The following DOK5 variants were observed in gnomAD, a reference collection of about 807,000 sequenced individuals.
DOK5 encodes the protein downstream of tyrosine kinase 5.
Under a neutral mutation model 43.3 loss-of-function variants are expected in DOK5, and 27 were observed. That is an observed-to-expected ratio of 0.62 (90% CI 0.46 to 0.86). DOK5 has a LOEUF of 0.86. DOK5 is among the 40% of genes least tolerant of loss of function. The pLI is 0.00. For missense variants in DOK5, 373 were observed against 392.9 expected, an observed-to-expected ratio of 0.95 and a Z score of 0.43; for synonymous variants, 146 against 140.1, an observed-to-expected ratio of 1.04 and a Z score of -0.30.
intron 1 of DOK5, among the ~76,000 whole-genome samples, chr20:54,509,352 G>T (rs1194528550): frequency 2.0e-5 from 3 of 151,926 alleles, no homozygotes; most frequent in African/African-American, 4.8e-5. Flanking sequence ...CACTGCACCT[G>T]GTTAATTTTA....
intron 1 of DOK5, among the ~76,000 whole-genome samples, chr20:54,504,763 T>C (rs2146681411): frequency 6.6e-6 from 1 of 152,312 alleles, no homozygotes; most frequent in East Asian, 1.9e-4. Flanking sequence ...TTTGAAGACC[T>C]GTCATGGGCA....
intron 1 of DOK5, among the ~76,000 whole-genome samples, chr20:54,492,686 TTGTGTGTGTGTGTGTG>T (rs34741362): frequency 3.3e-4 from 46 of 141,178 alleles, no homozygotes; most frequent in Non-Finnish European, 5.6e-4. Flanking sequence ...GAGTGTGGCT[TTGTGTGTGTGTGTGTG>T]TGTGTGTGTG....
chr20:54,641,960 T>C (rs1568825690), intron 6 of DOK5, among the ~76,000 whole-genome samples: 1 of 152,122 alleles, frequency 6.6e-6, no homozygotes, highest in African/African-American at 2.4e-5. Context: ...AATGGATTAT[T>C]TGATATTCAA....
intron 2 of DOK5, chr20:54,555,697 A>G (rs919154945): frequency 6.6e-6 from 1 of 152,248 alleles, no homozygotes; most frequent in African/African-American, 2.4e-5. Context: ...GTGAAAGCAC[A>G]TGGTTAACAC....
At chr20:54,625,576 C>A (rs1987108977) in intron 6 of DOK5, among the ~76,000 whole-genome samples, 1 of 152,136 alleles carries the variant, frequency 6.6e-6, no homozygotes, top group Non-Finnish European at 1.5e-5. Flanking sequence ...GTCCTATATC[C>A]TGGCTGGACA....
chr20:54,631,755 C>A (rs1409014264), intron 6 of DOK5, among the ~76,000 whole-genome samples: 2 of 152,116 alleles, frequency 1.3e-5, no homozygotes, highest in African/African-American at 4.8e-5. Flanking sequence ...GGGCGGATCA[C>A]AAGGTCAAGA....
rs1485973482 is a variant in DOK5, at chr20:54,572,585, AAATT to A, written c.175-15894_175-15891del. The stretch of plus-strand genomic sequence containing the variant: ...AATACCTAGCATATAATTAAGAAAA[AAATT>A]AATGTCAGCCACTGCCGCTATTATT... On this transcript the variant is annotated intron_variant, in intron 2 of 7. Coordinates refer to ENST00000262593, the MANE Select transcript of DOK5 (RefSeq NM_018431.5). 4.6e-5 allele frequency among the ~76,000 whole-genome samples: 7 copies of A among 152,300 alleles called. 1 individual carries two copies. Among genetic ancestry groups the A allele is most frequent in the Admixed American group, 4.6e-4 (7 of 15,306 alleles).
intron 2 of DOK5, among the ~76,000 whole-genome samples, chr20:54,580,969 C>A (rs77467653): frequency 6.6e-5 from 10 of 151,894 alleles, no homozygotes; most frequent in Non-Finnish European, 1.0e-4. Flanking sequence ...TGTCATAAAG[C>A]CTTTTCCCTC....
intron 1 of DOK5, among the ~76,000 whole-genome samples, chr20:54,552,827 T>C (rs939977255): frequency 6.6e-6 from 1 of 152,216 alleles, no homozygotes; most frequent in African/African-American, 2.4e-5. Context: ...AAGCAGTTAA[T>C]TTATGTTCAA....
intron 1 of DOK5, among the ~76,000 whole-genome samples, chr20:54,539,545 A>G (rs576298786): frequency 2.0e-5 from 3 of 152,286 alleles, no homozygotes; most frequent in African/African-American, 7.2e-5. Context: ...TGACTCAACT[A>G]TTATCTCCAA....
At chr20:54,480,922 TATCAATCATCTATC>T (rs1483082493) in intron 1 of DOK5, among the ~76,000 whole-genome samples, 1,439 of 122,810 alleles carry the variant, frequency 0.012, 94 homozygotes, top group African/African-American at 0.045. Flanking sequence ...TCTATCTATC[TATCAATCATCTATC>T]ATCTATCTAT....
intron 1 of DOK5, among the ~76,000 whole-genome samples, chr20:54,486,936 G>C (rs1277440141): frequency 6.6e-6 from 1 of 152,104 alleles, no homozygotes; most frequent in East Asian, 1.9e-4. Context: ...CAGCGGAAGA[G>C]TCATGTTTTT....
chr20:54,575,571 G>A (rs1985427954), intron 2 of DOK5, among the ~76,000 whole-genome samples: 1 of 152,136 alleles, frequency 6.6e-6, no homozygotes, highest in African/African-American at 2.4e-5. Flanking sequence ...CTCCTGAGTA[G>A]CTGGGACAAC....
At chr20:54,595,158 G>A (rs1013055188) in intron 5 of DOK5, among the ~76,000 whole-genome samples, 9 of 152,110 alleles carry the variant, frequency 5.9e-5, no homozygotes, top group South Asian at 4.1e-4. Flanking sequence ...TGGCTAACAC[G>A]GTGAAACCCC....
chr20:54,533,044 T>A (rs933650301), intron 1 of DOK5, among the ~76,000 whole-genome samples: 1 of 152,252 alleles, frequency 6.6e-6, no homozygotes, highest in East Asian at 1.9e-4. Flanking sequence ...GACCAAATTC[T>A]GATTAATTAT....
chr20:54,518,134 T>G (rs944719375), intron 1 of DOK5, among the ~76,000 whole-genome samples: 1 of 152,142 alleles, frequency 6.6e-6, no homozygotes, highest in African/African-American at 2.4e-5. Flanking sequence ...TTTTTTCTTT[T>G]TTATTATACT....
At chr20:54,480,925 CAA>C (rs1180092365) in intron 1 of DOK5, among the ~76,000 whole-genome samples, 1,849 of 117,818 alleles carry the variant, frequency 0.016, 68 homozygotes, top group African/African-American at 0.048. Flanking sequence ...ATCTATCTAT[CAA>C]TCATCTATCA....
chr20:54,563,171 G>T (rs983189861), intron 2 of DOK5, among the ~76,000 whole-genome samples: 1 of 152,176 alleles, frequency 6.6e-6, no homozygotes, highest in Non-Finnish European at 1.5e-5. Flanking sequence ...AACCAACCCT[G>T]CCAGCACCTT....
In DOK5 at chr20:54,542,113, C is replaced by CACACACACACACACAT. The variant is rs1568774890; in HGVS notation, c.67-12805_67-12804insTACACACACACACACA. Reference sequence around the variant, plus strand: ...ATATTATAAGATACACACACACACACACACACACACACACACACACACACA... The same window carrying CACACACACACACACAT: ...ATATTATAAGATACACACACACACACACACACACACACACATACACACACACACACACACACACACA... On this transcript the variant is annotated intron_variant, in intron 1 of 7. Transcript: ENST00000262593. Among the ~76,000 whole-genome samples, 962 of 151,614 alleles carry CACACACACACACACAT rather than the reference C, an allele frequency of 6.3e-3. 8 individuals carry two copies. Among genetic ancestry groups the CACACACACACACACAT allele is most frequent in the African/African-American group, 0.022 (920 of 41,296 alleles).
Sources: allele counts gnomAD v4.1 joint callset (sites outside exome capture counted in the v4.1 genomes callset), GRCh38; gene constraint gnomAD v4.1.1; transcripts MANE v1.5; gene names NCBI Gene and HGNC (gene_info 2026-07-23, HGNC 2026-07-21).